CHODL: variants seen among roughly 807,000 people sequenced by gnomAD.
CHODL encodes chondrolectin, also known as transmembrane protein MT75.
CHODL carries 29 observed loss-of-function variants against 34.5 expected under a neutral mutation model. That is an observed-to-expected ratio of 0.84 (90% CI 0.63 to 1.15). The LOEUF (loss-of-function observed/expected upper bound fraction) is 1.15, where lower values mean the gene tolerates loss of function less well. Among genes scored for constraint, CHODL ranks in the 50% most tolerant of loss-of-function variants. CHODL has a pLI of 0.00. For missense variants in CHODL, 332 were observed against 332.5 expected (o/e 1.00, Z 0.01); for synonymous variants, 125 against 116.1 (o/e 1.08, Z -0.49).
chr21:18,167,211 C>CTCTGTGTGTGTGTGTG (rs1287766265), intron 2 of CHODL, among the ~76,000 whole-genome samples: 1 of 88,136 alleles, frequency 1.1e-5, no homozygotes, highest in East Asian at 3.0e-4. Context: ...TTCTCTCTCT[C>CTCTGTGTGTGTGTGTG]TGTGTGTGTG....
chr21:18,007,266 A>C (rs2063969602), intron 1 of CHODL, among the ~76,000 whole-genome samples: 1 of 152,156 alleles, frequency 6.6e-6, no homozygotes, highest in Admixed American at 6.6e-5. Flanking sequence ...GATTTGTTGT[A>C]CTCTTTTCAA....
intron 1 of CHODL, among the ~76,000 whole-genome samples, chr21:17,944,074 G>A (rs759096804): frequency 1.4e-5 from 2 of 144,808 alleles, no homozygotes; most frequent in Non-Finnish European, 3.0e-5. Context: ...AATCTAGCGT[G>A]AGCCACTAGA....
intron 2 of CHODL, among the ~76,000 whole-genome samples, chr21:18,058,820 C>A (rs982810476): frequency 6.6e-6 from 1 of 152,028 alleles, no homozygotes; most frequent in Non-Finnish European, 1.5e-5. Context: ...TTTTTGCCTC[C>A]TTTACAGGAT....
chr21:18,247,848 T>A (rs182838605), intron 1 of CHODL, among the ~76,000 whole-genome samples: 148 of 152,058 alleles, frequency 9.7e-4, no homozygotes, highest in Admixed American at 1.7e-3. Flanking sequence ...AAGTGACTGG[T>A]GAGTAGTGAT....
chr21:18,113,915 A>G (rs1247247325), intron 2 of CHODL, among the ~76,000 whole-genome samples: 1 of 152,226 alleles, frequency 6.6e-6, no homozygotes, highest in Non-Finnish European at 1.5e-5. Flanking sequence ...AGATGACTAG[A>G]TAAACAAAAT....
In CHODL at chr21:18,257,136, T is replaced by C; in HGVS notation, c.547+9T>C. 1 of 1,600,856 alleles carries C rather than the reference T, an allele frequency of 6.2e-7. No individual in the cohort carries two copies. Among genetic ancestry groups the C allele is most frequent in the Non-Finnish European group, 8.5e-7 (1 of 1,174,102 alleles). ...TTGCAAGTATGAACCAGGTAAGCAG[T>C]AGCAAAAGAAGGTATAGAAGATTTT... On this transcript the variant is annotated intron_variant, in intron 3 of 5. Coordinates refer to ENST00000299295, the MANE Select transcript of CHODL (RefSeq NM_024944.3).
chr21:18,233,210 G>A (rs2073999206), intron 2 of CHODL, among the ~76,000 whole-genome samples: 1 of 151,776 alleles, frequency 6.6e-6, no homozygotes, highest in African/African-American at 2.4e-5. Context: ...ATAGAAGTGA[G>A]AACATATGGT....
intron 1 of CHODL, among the ~76,000 whole-genome samples, chr21:17,976,270 G>GAAAAAAAAAAAA (rs71318119): frequency 1.5e-5 from 1 of 66,536 alleles, no homozygotes; most frequent in Non-Finnish European, 3.2e-5. Flanking sequence ...GACCATCTCA[G>GAAAAAAAAAAAA]AAAAAAAAAA....
At chr21:18,258,804 C>T (rs1290398591) in intron 3 of CHODL, among the ~76,000 whole-genome samples, 1 of 151,760 alleles carries the variant, frequency 6.6e-6, no homozygotes, top group Non-Finnish European at 1.5e-5. Context: ...TTAGTTAACC[C>T]TCCTTGAGCT....
chr21:18,005,928 C>T lies in CHODL; in HGVS notation c.-144-21944C>T, dbSNP rs540108803. 2.0e-5 allele frequency among the ~76,000 whole-genome samples: 3 copies of T among 152,238 alleles called. No individual in the cohort carries two copies. The South Asian group carries it at 6.2e-4, about 32-fold the overall frequency. On this transcript the variant is annotated intron_variant, in intron 1 of 6. Coordinates refer to the CHODL transcript ENST00000400127. Reference sequence around the variant, plus strand: ...CCAAATCTCATCTTGAATTGTAACTCCCACAATTTCCACGTTTCATGGGGG... The same window carrying T: ...CCAAATCTCATCTTGAATTGTAACTTCCACAATTTCCACGTTTCATGGGGG...
chr21:18,117,900 T>C (rs1234757726), intron 2 of CHODL, among the ~76,000 whole-genome samples: 4 of 152,298 alleles, frequency 2.6e-5, no homozygotes, highest in Non-Finnish European at 5.9e-5. Context: ...TCATTCTATT[T>C]CCACATTTGG....
intron 2 of CHODL, among the ~76,000 whole-genome samples, chr21:18,035,181 C>T (rs2064295055): frequency 6.6e-6 from 1 of 151,926 alleles, no homozygotes; most frequent in African/African-American, 2.4e-5. Context: ...CCCATTTCTC[C>T]ATTTAGTATC....
At chr21:18,005,433 T>G (rs566476609) in intron 1 of CHODL, among the ~76,000 whole-genome samples, 1 of 152,316 alleles carries the variant, frequency 6.6e-6, no homozygotes, top group African/African-American at 2.4e-5. Context: ...CAAAAGCAAT[T>G]TTTAATCATC....
intron 2 of CHODL, among the ~76,000 whole-genome samples, chr21:18,115,510 ATTACTCCT>A (rs1300606405): frequency 6.6e-6 from 1 of 152,162 alleles, no homozygotes; most frequent in African/African-American, 2.4e-5. Context: ...TTCCCTGTGA[ATTACTCCT>A]TTGGAAAACT....
At chr21:18,041,806 T>G (rs1287730108) in intron 2 of CHODL, among the ~76,000 whole-genome samples, 1 of 151,852 alleles carries the variant, frequency 6.6e-6, no homozygotes, top group East Asian at 1.9e-4. Flanking sequence ...AGGTGAGTCT[T>G]AGGAAGGGCT....
At chr21:18,190,003 C>A (rs1457989854) in intron 2 of CHODL, among the ~76,000 whole-genome samples, 1 of 152,118 alleles carries the variant, frequency 6.6e-6, no homozygotes, top group Non-Finnish European at 1.5e-5. Flanking sequence ...TAATTTTTTT[C>A]TTCATGGCTG....
Position 18,213,973 on chromosome 21 carries a change from T to C in CHODL, c.-44-42536T>C, listed in dbSNP as rs146751485. Among the ~76,000 whole-genome samples the C allele has an allele frequency of 4.1e-3, 627 of 152,188 alleles. 3 individuals carry two copies. Among genetic ancestry groups the C allele is most frequent in the African/African-American group, 0.014 (596 of 41,570 alleles). On this transcript the variant is annotated intron_variant, in intron 2 of 6. Transcript: ENST00000400127. ...TTCATCTTAATAACTATTTCTTCTA[T>C]ACTGGGAAGGTGCAAGCCAGAAATT...
intron 1 of CHODL, among the ~76,000 whole-genome samples, chr21:18,006,534 C>T (rs1445229968): frequency 6.6e-6 from 1 of 152,118 alleles, no homozygotes; most frequent in African/African-American, 2.4e-5. Context: ...GAAGAAAACA[C>T]AATTATCTTT....
At chr21:17,917,828 T>C (rs1329811192) in intron 1 of CHODL, among the ~76,000 whole-genome samples, 3 of 152,112 alleles carry the variant, frequency 2.0e-5, no homozygotes, top group African/African-American at 7.2e-5. Flanking sequence ...TTTTATCTTT[T>C]TGTTAACAGT....
Sources: allele counts gnomAD v4.1 joint callset (sites outside exome capture counted in the v4.1 genomes callset), GRCh38; gene constraint gnomAD v4.1.1; transcripts MANE v1.5; gene names NCBI Gene and HGNC (gene_info 2026-07-23, HGNC 2026-07-21).